The following CSMD1 variants were observed in gnomAD, a reference collection of about 807,000 sequenced individuals.
The protein encoded by CSMD1 is CUB and sushi domain-containing protein 1.
Under a neutral mutation model 417.5 loss-of-function variants are expected in CSMD1, and 213 were observed. The observed-to-expected ratio is 0.51, with a 90% CI of 0.46 to 0.57. CSMD1 has a LOEUF of 0.57. CSMD1 is among the 20% of genes least tolerant of loss of function. The pLI is 0.00. For missense variants in CSMD1, 6,923 were observed against 4,529.7 expected, an observed-to-expected ratio of 1.53 and a Z score of -15.17; for synonymous variants, 2,862 against 1,736.8, an observed-to-expected ratio of 1.65 and a Z score of -16.11.
intron 5 of CSMD1, among the ~76,000 whole-genome samples, chr8:3,898,022 T>G (rs1395237197): frequency 1.3e-5 from 2 of 152,174 alleles, no homozygotes; most frequent in African/African-American, 2.4e-5. Context: ...ATCCCCAGTT[T>G]GACAATGCTA....
intron 3 of CSMD1, among the ~76,000 whole-genome samples, chr8:4,059,094 C>G (rs533786545): frequency 6.6e-6 from 1 of 152,298 alleles, no homozygotes; most frequent in African/African-American, 2.4e-5. Context: ...CAAACTGTCT[C>G]TCAGACCACA....
At chr8:4,131,890 G>C (rs890604309) in intron 3 of CSMD1, among the ~76,000 whole-genome samples, 2 of 148,032 alleles carry the variant, frequency 1.4e-5, no homozygotes, top group Non-Finnish European at 3.0e-5. Flanking sequence ...AGTCTCCCAT[G>C]TAGCTGGGAC....
chr8:3,503,927 T>A (rs986842716), intron 10 of CSMD1, among the ~76,000 whole-genome samples: 1 of 148,672 alleles, frequency 6.7e-6, no homozygotes, highest in African/African-American at 2.5e-5. Flanking sequence ...TCCACATGAG[T>A]GAGAATATGG....
intron 1 of CSMD1, among the ~76,000 whole-genome samples, chr8:4,898,568 G>A (rs892732103): frequency 7.2e-5 from 11 of 152,170 alleles, no homozygotes; most frequent in Non-Finnish European, 2.9e-5. Flanking sequence ...GGTGAGCATG[G>A]CTCACAAATC....
chr8:3,147,839 T>C (rs1010791999), intron 40 of CSMD1, among the ~76,000 whole-genome samples: 3 of 152,204 alleles, frequency 2.0e-5, no homozygotes, highest in African/African-American at 4.8e-5. Context: ...AGAGTAGTGA[T>C]AGCAATGCAC....
Position 4,042,547 on chromosome 8 carries a change from A to C in CSMD1, c.416-10448T>G, listed in dbSNP as rs950958355. 4.8e-4 allele frequency among the ~76,000 whole-genome samples: 73 copies of C among 152,090 alleles called. 1 individual carries two copies. The highest frequency in any genetic ancestry group is 3.3e-4 in the Admixed American group (5 of 15,262). Reference sequence around the variant, plus strand: ...AGGCCCATACCACAAGGAATATTAAAATGAGTCATTCCAGCGGAAGGTAAT... The same window carrying C: ...AGGCCCATACCACAAGGAATATTAACATGAGTCATTCCAGCGGAAGGTAAT... On this transcript the variant is annotated intron_variant, in intron 3 of 69. Coordinates refer to ENST00000635120, the MANE Select transcript of CSMD1 (RefSeq NM_033225.6).
intron 7 of CSMD1, among the ~76,000 whole-genome samples, chr8:3,677,420 C>A (rs777125074): frequency 6.6e-6 from 1 of 152,168 alleles, no homozygotes; most frequent in African/African-American, 2.4e-5. Context: ...GCATGGGAAA[C>A]AAACCTGATC....
intron 3 of CSMD1, among the ~76,000 whole-genome samples, chr8:4,106,345 T>C (rs891248608): frequency 6.6e-5 from 10 of 152,176 alleles, no homozygotes; most frequent in African/African-American, 1.9e-4. Flanking sequence ...AATACCTATA[T>C]TTTTTAAGTC....
rs961994579 is a variant in CSMD1, at chr8:4,225,235, G to A, written c.416-193136C>T. Among the ~76,000 whole-genome samples, 9 of 152,264 alleles carry A rather than the reference G, an allele frequency of 5.9e-5. No homozygotes were observed. In the South Asian group the frequency reaches 8.3e-4, roughly 14 times the overall value. ...AAACCAGAGACGGCTAGTGAAAGGA[G>A]AATCAATGACAAACCATCATTTTCT... On this transcript the variant is annotated intron_variant, in intron 3 of 69. Transcript: ENST00000635120.
intron 7 of CSMD1, among the ~76,000 whole-genome samples, chr8:3,663,048 G>C (rs989157760): frequency 2.0e-5 from 3 of 152,042 alleles, no homozygotes; most frequent in Admixed American, 6.6e-5. Flanking sequence ...CTGGCAGTGG[G>C]AATAAAGGAA....
At chr8:4,173,567 A>G (rs893238802) in intron 3 of CSMD1, among the ~76,000 whole-genome samples, 5 of 152,152 alleles carry the variant, frequency 3.3e-5, no homozygotes, top group Admixed American at 2.0e-4. Flanking sequence ...AAATTATCAA[A>G]TGATGTAACA....
chr8:3,651,726 A>C (rs1200925463), intron 7 of CSMD1, among the ~76,000 whole-genome samples: 1 of 151,972 alleles, frequency 6.6e-6, no homozygotes, highest in Non-Finnish European at 1.5e-5. Context: ...GCTTACCAGC[A>C]ACAGCGTGCT....
chr8:3,214,515 C>G lies in CSMD1; in HGVS notation c.4849G>C (p.Val1617Leu). Residue 1617 changes from valine (V) to leucine (L), a missense_variant, in exon 30 of 70, where the codon GTG becomes CTG. Physicochemically the swap from Val to Leu is conservative, Grantham distance 32. Coordinates refer to ENST00000635120, the MANE Select transcript of CSMD1 (RefSeq NM_033225.6). Reference sequence around the variant, plus strand: ...CACTCACCATTGCAGGAGGGCAGCACTTGGTCCCAGGAGGGTTTCCCATCA... The same window carrying G: ...CACTCACCATTGCAGGAGGGCAGCAGTTGGTCCCAGGAGGGTTTCCCATCA... Reference protein sequence around the residue: ...GADGKPSWDQVLPSCNAPCGG... With the variant: ...GADGKPSWDQLLPSCNAPCGG... The G allele has an allele frequency of 6.3e-7, 1 of 1,597,804 alleles. No homozygotes were observed. The highest frequency in any genetic ancestry group is 8.5e-7 in the Non-Finnish European group (1 of 1,172,100).
At chr8:3,998,963 T>A (rs930507464) in intron 4 of CSMD1, among the ~76,000 whole-genome samples, 21 of 147,284 alleles carry the variant, frequency 1.4e-4, no homozygotes, top group African/African-American at 4.9e-4. Flanking sequence ...TATATGGTAG[T>A]TTATATATAA....
At chr8:4,757,026 A>C (rs1466427536) in intron 1 of CSMD1, among the ~76,000 whole-genome samples, 2 of 152,268 alleles carry the variant, frequency 1.3e-5, no homozygotes, top group South Asian at 2.1e-4. Flanking sequence ...GACTGTTCTT[A>C]TACAATATGC....
intron 22 of CSMD1, among the ~76,000 whole-genome samples, chr8:3,346,569 C>G (rs941455688): frequency 1.3e-5 from 2 of 152,184 alleles, no homozygotes; most frequent in African/African-American, 4.8e-5. Context: ...AACCACTCTA[C>G]TAAATTATGA....
intron 3 of CSMD1, among the ~76,000 whole-genome samples, chr8:4,200,761 C>G (rs1193887615): frequency 1.3e-5 from 2 of 152,144 alleles, no homozygotes; most frequent in Non-Finnish European, 2.9e-5. Context: ...ACTCTGGCGA[C>G]TGAGATGGGA....
chr8:3,341,502 G>C (rs933349966), intron 23 of CSMD1, among the ~76,000 whole-genome samples: 1 of 152,170 alleles, frequency 6.6e-6, no homozygotes, highest in African/African-American at 2.4e-5. Flanking sequence ...AACGTAATGA[G>C]AAATAACACA....
chr8:4,352,604 A>G (rs1013502141), intron 3 of CSMD1, among the ~76,000 whole-genome samples: 1 of 152,238 alleles, frequency 6.6e-6, no homozygotes, highest in African/African-American at 2.4e-5. Context: ...TAAGTTTGAG[A>G]AAAGTCATTT....
Sources: allele counts gnomAD v4.1 joint callset (sites outside exome capture counted in the v4.1 genomes callset), GRCh38; gene constraint gnomAD v4.1.1; transcripts MANE v1.5; gene names NCBI Gene and HGNC (gene_info 2026-07-23, HGNC 2026-07-21).